Variants in EFCAB6 observed in about 807,000 individuals in gnomAD.
EFCAB6 encodes the protein EF-hand calcium binding domain 6.
EFCAB6 carries 156 observed loss-of-function variants against 169.8 expected under a neutral mutation model. The ratio of observed to expected loss-of-function variants is 0.92; its 90% CI spans 0.81 to 1.05. EFCAB6 has a LOEUF of 1.05. Among genes scored for constraint, EFCAB6 ranks in the 50% least tolerant of loss-of-function variants. EFCAB6 has a pLI of 0.00. For missense variants in EFCAB6, 1,800 were observed against 1,829.1 expected (o/e 0.98, Z 0.29); for synonymous variants, 698 against 676.4 (o/e 1.03, Z -0.50).
chr22:43,576,829 G>A (rs1569185475), intron 25 of EFCAB6, among the ~76,000 whole-genome samples: 1 of 152,208 alleles, frequency 6.6e-6, no homozygotes, highest in Non-Finnish European at 1.5e-5. Context: ...GTTTTACAGA[G>A]CAGAGCAGAG....
intron 17 of EFCAB6, among the ~76,000 whole-genome samples, chr22:43,658,317 G>A (rs1322595352): frequency 6.6e-6 from 1 of 152,174 alleles, no homozygotes; most frequent in African/African-American, 2.4e-5. Context: ...GCAAGGCGGG[G>A]GAACCTTTCA....
chr22:43,655,420 A>C (rs1440596998), intron 17 of EFCAB6, among the ~76,000 whole-genome samples: 3 of 151,732 alleles, frequency 2.0e-5, no homozygotes, highest in African/African-American at 7.3e-5. Flanking sequence ...TGCGTGTCAC[A>C]GTCTCTCATG....
intron 1 of EFCAB6, among the ~76,000 whole-genome samples, chr22:43,811,813 T>C (rs1490942316): frequency 6.6e-6 from 1 of 152,148 alleles, no homozygotes; most frequent in Non-Finnish European, 1.5e-5. Flanking sequence ...ATGAGACATG[T>C]TGTAAACTGG....
At chr22:43,547,009 G>A (rs1287546759) in intron 27 of EFCAB6, among the ~76,000 whole-genome samples, 4 of 152,054 alleles carry the variant, frequency 2.6e-5, no homozygotes, top group East Asian at 1.9e-4. Flanking sequence ...AATACTTCAC[G>A]GAGAAAGAAA....
chr22:43,598,271 C>T lies in EFCAB6; in HGVS notation c.2876+1798G>A, dbSNP rs548532149. Among the ~76,000 whole-genome samples the T allele has an allele frequency of 2.8e-4, 35 of 125,556 alleles. No individual in the cohort carries two copies. The South Asian group carries it at 8.3e-3, about 30-fold the overall frequency. 82.4% of individuals were successfully genotyped at this position (125,556 alleles called of 152,430 possible). A position where few individuals can be genotyped will look rare whatever the true frequency, so the allele number is the denominator to read the frequency against. ...GCAGTGAGCCGTGATGGAGCCACTGCACTCCAGCCTGGGTGATGAAAGTGA... is the reference window on the plus strand; with the variant it reads ...GCAGTGAGCCGTGATGGAGCCACTGTACTCCAGCCTGGGTGATGAAAGTGA... On this transcript the variant is annotated intron_variant, in intron 23 of 31. Transcript: ENST00000262726.
At chr22:43,758,562 T>A (rs2061040236) in intron 5 of EFCAB6, among the ~76,000 whole-genome samples, 1 of 152,220 alleles carries the variant, frequency 6.6e-6, no homozygotes, top group Non-Finnish European at 1.5e-5. Flanking sequence ...GTCTAATGTT[T>A]TAACTCTAAA....
chr22:43,611,908 A>C (rs2053334813), intron 21 of EFCAB6, among the ~76,000 whole-genome samples: 1 of 152,258 alleles, frequency 6.6e-6, no homozygotes, highest in African/African-American at 2.4e-5. Flanking sequence ...ACCCAATTAA[A>C]GTATACTACA....
At chr22:43,690,237 C>T (rs370625356) in intron 10 of EFCAB6, among the ~76,000 whole-genome samples, 4 of 151,736 alleles carry the variant, frequency 2.6e-5, no homozygotes, top group Non-Finnish European at 2.9e-5. Flanking sequence ...CGGTGGCTCA[C>T]GCCTGTAATC....
chr22:43,752,395 G>A (rs1228246627), intron 6 of EFCAB6, among the ~76,000 whole-genome samples: 5 of 152,164 alleles, frequency 3.3e-5, no homozygotes, highest in African/African-American at 1.2e-4. Flanking sequence ...TGGGATTACA[G>A]GCGTGAGCCA....
intron 12 of EFCAB6, 71 bp from the exon 13 acceptor site, chr22:43,678,234 T>A (rs752080881): frequency 3.5e-5 from 50 of 1,448,980 alleles, no homozygotes; most frequent in Non-Finnish European, 4.5e-5. Context: ...GTTATGTATG[T>A]TTAGCATCAT....
intron 10 of EFCAB6, among the ~76,000 whole-genome samples, chr22:43,695,850 A>C (rs993544227): frequency 1.3e-5 from 2 of 152,120 alleles, no homozygotes; most frequent in African/African-American, 4.8e-5. Flanking sequence ...TAAAAGCTAA[A>C]ATGACTAAAC....
Position 43,735,745 on chromosome 22 carries a change from T to C in EFCAB6, c.644+112A>G, listed in dbSNP as rs1603298497. 7 of 1,243,960 alleles carry C rather than the reference T, an allele frequency of 5.6e-6. No individual in the cohort carries two copies. The East Asian group carries it at 1.7e-4, about 30-fold the overall frequency. The allele number at this position is 1,243,960 out of a possible 1,614,324, so 77.1% of individuals were successfully genotyped here. ...CTCTTTGAGAAATAAGGTGTGTGTGTGTGGCAGGGGGAGGTGAGAGATGGA... is the reference window on the plus strand; with the variant it reads ...CTCTTTGAGAAATAAGGTGTGTGTGCGTGGCAGGGGGAGGTGAGAGATGGA... On this transcript the variant is annotated intron_variant, in intron 7 of 31. Coordinates refer to ENST00000262726, the MANE Select transcript of EFCAB6 (RefSeq NM_022785.4).
intron 4 of EFCAB6, among the ~76,000 whole-genome samples, chr22:43,768,363 C>A (rs1481225900): frequency 6.6e-6 from 1 of 152,152 alleles, no homozygotes; most frequent in Non-Finnish European, 1.5e-5. Flanking sequence ...AATTCTTTCC[C>A]AACTTTAAGG....
intron 28 of EFCAB6, among the ~76,000 whole-genome samples, chr22:43,538,406 T>C (rs1482887328): frequency 2.0e-5 from 3 of 152,118 alleles, no homozygotes; most frequent in East Asian, 3.8e-4. Flanking sequence ...TTTTTTTGTT[T>C]TGAAATGGAG....
rs532400220 is a variant in EFCAB6 at position 43,793,263 on chromosome 22, A to G, written c.-7-10938T>C. On this transcript the variant is annotated intron_variant, in intron 2 of 31. Transcript: ENST00000262726. ...GCAGGGAGTACTCTTCCAGAGGGAGAATGGTCTGGATGACCTGTTGGGTCT... is the reference window on the plus strand; with the variant it reads ...GCAGGGAGTACTCTTCCAGAGGGAGGATGGTCTGGATGACCTGTTGGGTCT... Among the ~76,000 whole-genome samples, 115 of 152,310 alleles carry G rather than the reference A, an allele frequency of 7.6e-4. 1 individual carries two copies. The highest frequency in any genetic ancestry group is 8.7e-4 in the Non-Finnish European group (59 of 68,028).
chr22:43,743,862 AAGTGGATGGATGGATGGGTGGGTG>A (rs1465921246), intron 6 of EFCAB6, among the ~76,000 whole-genome samples: 15 of 152,006 alleles, frequency 9.9e-5, no homozygotes, highest in African/African-American at 3.4e-4. Context: ...AATAACTGTT[AAGTGGATGGATGGATGGGTGGGTG>A]AGTGGATGGA....
At chr22:43,762,553 G>A (rs558793224) in intron 5 of EFCAB6, among the ~76,000 whole-genome samples, 2 of 152,292 alleles carry the variant, frequency 1.3e-5, no homozygotes, top group Non-Finnish European at 2.9e-5. Context: ...TTCAGTAGAA[G>A]TGTTGTTCAT....
chr22:43,601,949 GC>G (rs1195405351), intron 22 of EFCAB6, among the ~76,000 whole-genome samples: 1 of 152,174 alleles, frequency 6.6e-6, no homozygotes, highest in Non-Finnish European at 1.5e-5. Flanking sequence ...CACAGCATTC[GC>G]CCCATTCTCC....
intron 3 of EFCAB6, among the ~76,000 whole-genome samples, chr22:43,774,448 G>A (rs779241632): frequency 8.6e-5 from 13 of 151,530 alleles, no homozygotes; most frequent in Non-Finnish European, 1.5e-4. Flanking sequence ...GCACTTCCAC[G>A]CCACACAGGG....
Sources: gnomAD v4.1 joint callset for allele counts (sites outside exome capture counted in the v4.1 genomes callset) on GRCh38, gnomAD v4.1.1 for gene constraint, MANE v1.5 for transcripts, NCBI Gene and HGNC (gene_info 2026-07-23, HGNC 2026-07-21) for gene names.